APIP: variants seen among roughly 807,000 people sequenced by gnomAD.
The protein encoded by APIP is methylthioribulose-1-phosphate dehydratase.
APIP carries 32 observed loss-of-function variants against 32.0 expected under a neutral mutation model. The ratio of observed to expected loss-of-function variants is 1.00; its 90% CI spans 0.76 to 1.34. The LOEUF (loss-of-function observed/expected upper bound fraction) is 1.34, where lower values mean the gene tolerates loss of function less well. Among genes scored for constraint, APIP ranks in the 40% most tolerant of loss-of-function variants. The pLI, the probability that APIP is intolerant of heterozygous loss-of-function variation, is 0.00. For missense variants in APIP, 247 were observed against 298.6 expected (o/e 0.83, Z 1.27); for synonymous variants, 92 against 94.8 (o/e 0.97, Z 0.17).
chr11:34,888,707 C>A (rs770338613), intron 4 of APIP, 45 bp downstream of exon 4: 1 of 1,365,572 alleles, frequency 7.3e-7, no homozygotes, highest in East Asian at 2.5e-5. Flanking sequence ...TTTAGAGGAG[C>A]CTACTCTGCA....
At chr11:34,891,788 C>T (rs1853191098) in intron 2 of APIP, among the ~76,000 whole-genome samples, 1 of 152,200 alleles carries the variant, frequency 6.6e-6, no homozygotes, top group South Asian at 2.1e-4. Flanking sequence ...AAGGGACATT[C>T]CTCTGCAACC....
chr11:34,907,077 C>T (rs1362003660), intron 1 of APIP, among the ~76,000 whole-genome samples: 1 of 152,076 alleles, frequency 6.6e-6, no homozygotes, highest in Non-Finnish European at 1.5e-5. Flanking sequence ...AGGAAGTAGC[C>T]AGAAAGAGTT....
chr11:34,882,695 T>C lies in APIP; in HGVS notation c.*22A>G. 3.4e-6 allele frequency: 5 copies of C among 1,456,638 alleles called. No individual in the cohort carries two copies. The highest frequency in any genetic ancestry group is 1.2e-5 in the South Asian group (1 of 82,528). The allele number at this position is 1,456,638 out of a possible 1,614,324, so 90.2% of individuals were successfully genotyped here. A position where few individuals can be genotyped will look rare whatever the true frequency, so the allele number is the denominator to read the frequency against. On this transcript the variant is annotated 3_prime_UTR_variant, in exon 7 of 7. Transcript: ENST00000395787. ...AATTACGTTTAGCTTTATCTCTGTA[T>C]ATAATTAGACTTTCTTTTGGCTTAG... is the stretch of plus-strand genomic sequence containing the variant.
At position 34,911,738 on chromosome 11, in the gene APIP, T is replaced by C. The variant is rs112996670; in HGVS notation, c.57+4490A>G. 2.6e-3 allele frequency among the ~76,000 whole-genome samples: 390 copies of C among 152,296 alleles called. 2 individuals are homozygous for C. Among genetic ancestry groups the C allele is most frequent in the African/African-American group, 8.9e-3 (369 of 41,564 alleles). On this transcript the variant is annotated intron_variant, in intron 1 of 6. Coordinates refer to ENST00000395787, the MANE Select transcript of APIP (RefSeq NM_015957.4). ...AAAACAGGGCATATGCTGGCCCTAG[T>C]ATCTTCTTTTTGGTTTCCATCTGGC...
At chr11:34,913,575 G>A (rs7104943) in intron 1 of APIP, among the ~76,000 whole-genome samples, 19,784 of 152,096 alleles carry the variant, frequency 0.13, 1,739 homozygotes, top group African/African-American at 0.26. Context: ...GCAGACCTTC[G>A]CAGGGAGTGT....
chr11:34,896,289 A>G (rs143430169), intron 1 of APIP, among the ~76,000 whole-genome samples: 19,895 of 152,246 alleles, frequency 0.13, 1,766 homozygotes, highest in African/African-American at 0.26. Context: ...TTACTGCAGC[A>G]CTATTTACAA....
chr11:34,896,928 G>T, intron 1 of APIP: 1 of 692,932 alleles, frequency 1.4e-6, no homozygotes, highest in Non-Finnish European at 2.2e-6. Context: ...ACATAAACTG[G>T]AGACCCCACT....
At chr11:34,911,187 G>A (rs1853543973) in intron 1 of APIP, among the ~76,000 whole-genome samples, 1 of 152,094 alleles carries the variant, frequency 6.6e-6, no homozygotes, top group Non-Finnish European at 1.5e-5. Flanking sequence ...CATGGGAATG[G>A]GATGTTAGAG....
In APIP at chr11:34,916,137, C is replaced by T. The variant is rs561463212; in HGVS notation, c.57+91G>A. ...AAACCCCGCCCCGCAGCTAAACGCC[C>T]GGCCCGCTACCCTGCGCCCAGCTCC... On this transcript the variant is annotated intron_variant, in intron 1 of 6. Coordinates refer to ENST00000395787, the MANE Select transcript of APIP (RefSeq NM_015957.4). 2.0e-6 allele frequency: 3 copies of T among 1,510,142 alleles called. No homozygotes were observed. The African/African-American group carries it at 4.2e-5, about 21-fold the overall frequency. 93.5% of individuals were successfully genotyped at this position (1,510,142 alleles called of 1,614,324 possible).
chr11:34,914,804 G>A (rs926571690), intron 1 of APIP, among the ~76,000 whole-genome samples: 2 of 152,024 alleles, frequency 1.3e-5, no homozygotes, highest in African/African-American at 4.8e-5. Context: ...ACGAGTTCGA[G>A]ACCAGCCTGG....
Position 34,888,860 on chromosome 11 carries a change from T to C in APIP, c.217A>G (p.Met73Val), listed in dbSNP as rs865796358. 2.0e-6 allele frequency: 3 copies of C among 1,483,958 alleles called. No individual in the cohort carries two copies. Among genetic ancestry groups the C allele is most frequent in the Middle Eastern group, 3.6e-4 (2 of 5,600 alleles). The allele number at this position is 1,483,958 out of a possible 1,614,324, so 91.9% of individuals were successfully genotyped here. Residue 73 changes from methionine (M) to valine (V), a missense_variant, in exon 4 of 7, where the codon ATG becomes GTG. Physicochemically the swap from Met to Val is conservative, Grantham distance 21. Coordinates refer to ENST00000395787, the MANE Select transcript of APIP (RefSeq NM_015957.4). ...VQKERIQPED[M>V]FVCDINEKDI... is the part of the protein sequence containing the mutation. ...TTTTCATTTATATCACAAACAAACA[T>C]GTCTTCAGGCTATTTATAGAGGGGA...
chr11:34,899,051 G>A (rs139162036), intron 1 of APIP, among the ~76,000 whole-genome samples: 2,569 of 151,966 alleles, frequency 0.017, 63 homozygotes, highest in African/African-American at 0.059. Flanking sequence ...CACCTGCCTC[G>A]GCCTCCCAAA....
At chr11:34,890,933 A>G (rs949451067) in intron 2 of APIP, among the ~76,000 whole-genome samples, 3 of 152,118 alleles carry the variant, frequency 2.0e-5, no homozygotes, top group African/African-American at 4.8e-5. Context: ...CTAAAATCCA[A>G]TCTGGAAAAT....
Position 34,882,672 on chromosome 11 carries a change from T to G in APIP, c.*45A>C. On this transcript the variant is annotated 3_prime_UTR_variant, in exon 7 of 7. Coordinates refer to ENST00000395787, the MANE Select transcript of APIP (RefSeq NM_015957.4). ...AAAATAGCTTTCATTTAAATAATAA[T>G]TACGTTTAGCTTTATCTCTGTATAT... The G allele has an allele frequency of 4.4e-6, 6 of 1,363,316 alleles. No homozygotes were observed. Among genetic ancestry groups the G allele is most frequent in the Non-Finnish European group, 6.1e-6 (6 of 986,506 alleles). 84.5% of individuals were successfully genotyped at this position (1,363,316 alleles called of 1,614,324 possible).
chr11:34,887,577 T>G (rs757654289), intron 5 of APIP, among the ~76,000 whole-genome samples: 14 of 152,160 alleles, frequency 9.2e-5, no homozygotes, highest in Non-Finnish European at 1.8e-4. Flanking sequence ...TTAGTAAAAC[T>G]GGCACCGTTT....
chr11:34,906,982 T>C (rs1394854074), intron 1 of APIP, among the ~76,000 whole-genome samples: 1 of 152,160 alleles, frequency 6.6e-6, no homozygotes, highest in Non-Finnish European at 1.5e-5. Context: ...GAACCACACG[T>C]GGACGTGCCA....
intron 3 of APIP, among the ~76,000 whole-genome samples, chr11:34,889,696 T>C (rs1204657188): frequency 6.6e-6 from 1 of 152,112 alleles, no homozygotes; most frequent in Non-Finnish European, 1.5e-5. Context: ...CTGTATGTAC[T>C]CAATGTTTAG....
chr11:34,898,110 A>G (rs1046903111), intron 1 of APIP, among the ~76,000 whole-genome samples: 1 of 152,134 alleles, frequency 6.6e-6, no homozygotes, highest in African/African-American at 2.4e-5. Flanking sequence ...TATCAGAGCC[A>G]TATCATTTTG....
chr11:34,907,612 A>G (rs1853479121), intron 1 of APIP, among the ~76,000 whole-genome samples: 1 of 152,196 alleles, frequency 6.6e-6, no homozygotes, highest in Non-Finnish European at 1.5e-5. Context: ...ACCAGAACAT[A>G]TATTTTAACA....
Sources: gnomAD v4.1 joint callset for allele counts (sites outside exome capture counted in the v4.1 genomes callset) on GRCh38, gnomAD v4.1.1 for gene constraint, MANE v1.5 for transcripts, NCBI Gene and HGNC (gene_info 2026-07-23, HGNC 2026-07-21) for gene names.